The following ALOX5 variants were observed in gnomAD, a reference collection of about 807,000 sequenced individuals.
ALOX5 encodes polyunsaturated fatty acid 5-lipoxygenase.
In ALOX5, 64 loss-of-function variants were observed where a neutral mutation model predicts 87.9. That is an observed-to-expected ratio of 0.73 (90% CI 0.60 to 0.90). The LOEUF (loss-of-function observed/expected upper bound fraction) is 0.90. Among genes scored for constraint, ALOX5 ranks in the 40% least tolerant of loss-of-function variants. The pLI is 0.00. For missense variants in ALOX5, 822 were observed against 907.5 expected, an observed-to-expected ratio of 0.91 and a Z score of 1.21; for synonymous variants, 388 against 355.1, an observed-to-expected ratio of 1.09 and a Z score of -1.04.
At chr10:45,409,011 G>A (rs541908303) in intron 3 of ALOX5, among the ~76,000 whole-genome samples, 8 of 152,242 alleles carry the variant, frequency 5.3e-5, no homozygotes, top group Non-Finnish European at 1.2e-4. Flanking sequence ...TCTGTACATA[G>A]TGAACTGTAA....
At chr10:45,421,565 G>T (rs892897453) in intron 4 of ALOX5, among the ~76,000 whole-genome samples, 3 of 152,248 alleles carry the variant, frequency 2.0e-5, no homozygotes, top group Admixed American at 6.5e-5. Context: ...AGCATTCCTA[G>T]CCCAGAACAC....
At chr10:45,382,405 G>A (rs1464664317) in intron 1 of ALOX5, 78 bp from the exon 2 acceptor site, 3 of 1,492,880 alleles carry the variant, frequency 2.0e-6, no homozygotes, top group Non-Finnish European at 2.8e-6. Context: ...GCATACCTTG[G>A]GGTGACAAAT....
chr10:45,374,969 C>T (rs1217951098), intron 1 of ALOX5, among the ~76,000 whole-genome samples: 1 of 152,276 alleles, frequency 6.6e-6, no homozygotes, highest in East Asian at 1.9e-4. Context: ...ACATGACCAC[C>T]AGCTCACTCT....
At chr10:45,428,859 A>G (rs1337588920) in intron 7 of ALOX5, 95 bp downstream of exon 7, 3 of 1,502,762 alleles carry the variant, frequency 2.0e-6, no homozygotes, top group Non-Finnish European at 2.7e-6. Flanking sequence ...TGAGGAAGCT[A>G]TGTCTTGAAA....
intron 2 of ALOX5, among the ~76,000 whole-genome samples, chr10:45,393,695 T>C (rs1258771721): frequency 2.0e-5 from 3 of 152,160 alleles, no homozygotes; most frequent in Admixed American, 2.0e-4. Context: ...GATTGTATAT[T>C]TAGAAAACCC....
In ALOX5 at chr10:45,428,738, A is replaced by C. The variant is rs1205494980; in HGVS notation, c.955A>C (p.Asn319His). The C allele has an allele frequency of 1.2e-6, 2 of 1,613,920 alleles. No individual in the cohort carries two copies. The highest frequency in any genetic ancestry group is 2.2e-5 in the East Asian group (1 of 44,878). Reference protein sequence around the residue: ...PICLLYKNLANKIVPIAIQLN... With the variant: ...PICLLYKNLAHKIVPIAIQLN... Reference sequence around the variant, plus strand: ...CTGCTTGCTGTATAAGAACCTGGCCAACAAGATTGTCCCCATTGCCATCCA... The same window carrying C: ...CTGCTTGCTGTATAAGAACCTGGCCCACAAGATTGTCCCCATTGCCATCCA... Residue 319 changes from asparagine (N) to histidine (H), a missense_variant, in exon 7 of 14, where the codon AAC becomes CAC. Asn to His is a moderately conservative substitution (Grantham distance 68). Transcript: ENST00000374391.
intron 1 of ALOX5, among the ~76,000 whole-genome samples, chr10:45,374,857 T>G (rs71494775): frequency 0.17 from 25,554 of 152,102 alleles, 2,219 homozygotes; most frequent in South Asian, 0.19. Flanking sequence ...GAGAGGCAGA[T>G]GAGTCATGCT....
intron 4 of ALOX5, among the ~76,000 whole-genome samples, chr10:45,415,582 A>AAT (rs1053933822): frequency 3.7e-4 from 18 of 48,336 alleles, no homozygotes; most frequent in Non-Finnish European, 4.1e-4. Flanking sequence ...GTATAATAAT[A>AAT]AAAAAAAAGA....
At chr10:45,408,239 C>T (rs12221233) in intron 3 of ALOX5, among the ~76,000 whole-genome samples, 55,117 of 151,958 alleles carry the variant, frequency 0.36, 10,939 homozygotes, top group East Asian at 0.62. Context: ...ATGATGCAGC[C>T]CCAGGAGATC....
At chr10:45,384,495 G>T (rs891237001) in intron 2 of ALOX5, among the ~76,000 whole-genome samples, 1 of 152,196 alleles carries the variant, frequency 6.6e-6, no homozygotes, top group Non-Finnish European at 1.5e-5. Flanking sequence ...ATCAGCTGAA[G>T]GGGGCTGGGC....
chr10:45,444,339 T>C, intron 13 of ALOX5, 53 bp downstream of exon 13: 2 of 1,501,478 alleles, frequency 1.3e-6, no homozygotes, highest in South Asian at 2.5e-5. Context: ...GTTAAGCGGT[T>C]CCTCAGCCTC....
intron 4 of ALOX5, among the ~76,000 whole-genome samples, chr10:45,417,652 C>G (rs1451463032): frequency 6.6e-6 from 1 of 152,186 alleles, no homozygotes; most frequent in Non-Finnish European, 1.5e-5. Context: ...AATATAATTT[C>G]TTGGTTGGCT....
intron 10 of ALOX5, 37 bp downstream of exon 10, chr10:45,443,253 C>G: frequency 6.2e-7 from 1 of 1,600,040 alleles, no homozygotes; most frequent in Non-Finnish European, 8.5e-7. Context: ...GGGGGAGGAG[C>G]CGGGACCCCT....
intron 7 of ALOX5, 62 bp from the exon 8 acceptor site, chr10:45,440,367 TC>T: frequency 1.3e-6 from 2 of 1,543,016 alleles, no homozygotes; most frequent in African/African-American, 2.7e-5. Context: ...GAGGCGAAGT[TC>T]TCCAACAACT....
At chr10:45,419,455 G>T (rs578179601) in intron 4 of ALOX5, among the ~76,000 whole-genome samples, 1 of 152,096 alleles carries the variant, frequency 6.6e-6, no homozygotes, top group South Asian at 2.1e-4. Flanking sequence ...GAACCTGGGG[G>T]CAGGCAGAGG....
At chr10:45,426,467 C>T (rs1381879542) in intron 6 of ALOX5, among the ~76,000 whole-genome samples, 3 of 152,266 alleles carry the variant, frequency 2.0e-5, no homozygotes, top group African/African-American at 7.2e-5. Flanking sequence ...CGCTGCCCAT[C>T]TGGCAGCACC....
At chr10:45,443,977 G>A (rs1842342837) in intron 12 of ALOX5, 139 bp from the exon 13 acceptor site, 1 of 1,437,458 alleles carries the variant, frequency 7.0e-7, no homozygotes, top group Non-Finnish European at 9.3e-7. Flanking sequence ...CTCAGCCAAG[G>A]GCGCTGGCCG....
rs1359030751 is a variant in ALOX5, at chr10:45,428,770, C to T, written c.981+6C>T. 6.2e-7 allele frequency: 1 copy of T among 1,613,476 alleles called. No individual in the cohort carries two copies. The highest frequency in any genetic ancestry group is 8.5e-7 in the Non-Finnish European group (1 of 1,179,978). ...TTGTCCCCATTGCCATCCAGGTAGG[C>T]TGCTGGGGGGCACACCTTTCTGAGC... On this transcript the variant is annotated splice_donor_region_variant and intron_variant, in intron 7 of 13. Coordinates refer to ENST00000374391, the MANE Select transcript of ALOX5 (RefSeq NM_000698.5).
At chr10:45,404,425 C>G (rs1840805580) in intron 3 of ALOX5, among the ~76,000 whole-genome samples, 1 of 152,250 alleles carries the variant, frequency 6.6e-6, no homozygotes, top group African/African-American at 2.4e-5. Flanking sequence ...CAGGTCATAG[C>G]CCACAGCTTG....
Sources: allele counts gnomAD v4.1 joint callset (sites outside exome capture counted in the v4.1 genomes callset), GRCh38; gene constraint gnomAD v4.1.1; transcripts MANE v1.5; gene names NCBI Gene and HGNC (gene_info 2026-07-23, HGNC 2026-07-21).